Variants in KIAA1671 observed in about 807,000 individuals in gnomAD.
KIAA1671 encodes the protein uncharacterized protein KIAA1671.
A neutral mutation model predicts 131.2 loss-of-function variants in KIAA1671; 52 were observed. The ratio of observed to expected loss-of-function variants is 0.40; its 90% CI spans 0.32 to 0.50. The LOEUF (loss-of-function observed/expected upper bound fraction) is 0.50. Ranked by LOEUF, KIAA1671 falls within the 20% of genes least tolerant of loss-of-function variation. KIAA1671 has a pLI of 0.73. For missense variants in KIAA1671, 2,360 were observed against 2,364.2 expected (o/e 1.00, Z 0.04); for synonymous variants, 1,003 against 961.6 (o/e 1.04, Z -0.80).
At chr22:24,955,099 AG>A (rs1488012931) in intron 1 of KIAA1671, among the ~76,000 whole-genome samples, 1 of 152,178 alleles carries the variant, frequency 6.6e-6, no homozygotes, top group East Asian at 1.9e-4. Context: ...TTTTTATTGA[AG>A]GCTGACCTTG....
intron 10 of KIAA1671, 62 bp from the exon 11 acceptor site, chr22:25,184,915 T>C (rs1474338853): frequency 1.3e-6 from 2 of 1,543,360 alleles, no homozygotes; most frequent in Admixed American, 2.0e-5. Flanking sequence ...GACATTTGCA[T>C]GGGAGGGGGC....
rs1337353937 is a variant in KIAA1671 at position 25,040,351 on chromosome 22, T to C, written c.3221T>C (p.Leu1074Pro). ...TCTTTAACATCCACTTTGGTTTCTC[T>C]TGGTCATGAAGAGGCATTGGAGATG... ...PHSLTSTLVS[L>P]GHEEALEMAG... is the part of the protein sequence containing the mutation. Residue 1074 changes from leucine to proline, a missense_variant, in exon 5 of 13, where the codon CTT becomes CCT. This residue lies in a region of KIAA1671 where 1,161 missense variants were observed against 1,204.7 expected (regional missense o/e 0.96). Transcript: ENST00000358431. The C allele has an allele frequency of 3.4e-5, 52 of 1,551,728 alleles. No homozygotes were observed. Among genetic ancestry groups the C allele is most frequent in the Non-Finnish European group, 4.5e-5 (52 of 1,147,028 alleles).
At chr22:24,999,626 G>A (rs1369062374) in intron 1 of KIAA1671, among the ~76,000 whole-genome samples, 1 of 150,976 alleles carries the variant, frequency 6.6e-6, no homozygotes, top group African/African-American at 2.4e-5. Flanking sequence ...GCAGTGGTGC[G>A]ATCTCAGTTC....
intron 6 of KIAA1671, among the ~76,000 whole-genome samples, chr22:25,121,306 C>A (rs182163823): frequency 6.6e-6 from 1 of 151,812 alleles, no homozygotes; most frequent in East Asian, 1.9e-4. Context: ...ACTAAAAATA[C>A]AAAAAATTAG....
At chr22:25,077,985 A>G (rs1043038323) in intron 6 of KIAA1671, among the ~76,000 whole-genome samples, 9 of 152,058 alleles carry the variant, frequency 5.9e-5, no homozygotes, top group Non-Finnish European at 1.3e-4. Flanking sequence ...AATCCTCACA[A>G]ATAGCCCTGA....
At chr22:25,058,170 G>A (rs1927956205) in intron 6 of KIAA1671, 1 of 152,146 alleles carries the variant, frequency 6.6e-6, no homozygotes, top group African/African-American at 2.4e-5. Context: ...ATGCATGGGG[G>A]CAGGGCCTGG....
chr22:25,132,683 T>C (rs191739038), intron 6 of KIAA1671, among the ~76,000 whole-genome samples: 2 of 152,316 alleles, frequency 1.3e-5, no homozygotes, highest in African/African-American at 2.4e-5. Context: ...ACCTTGTCTC[T>C]CTACTGAAGA....
intron 9 of KIAA1671, chr22:25,179,556 T>C: frequency 6.4e-7 from 1 of 1,572,516 alleles, no homozygotes; most frequent in South Asian, 1.2e-5. Context: ...GCCTCCTGCG[T>C]TGGGAAGGGA....
rs544862158 is a variant in KIAA1671, at chr22:25,183,549, T to G, written c.5200-1428T>G. Among the ~76,000 whole-genome samples, 11 of 150,616 alleles carry G rather than the reference T, an allele frequency of 7.3e-5. No individual in the cohort carries two copies. In the East Asian group the frequency reaches 2.2e-3, roughly 30 times the overall value. ...TCCTTCCTTCTTCTTTTTTTGTTTT[T>G]TGAGACAGTCTCTCTGTCACCCAGG... On this transcript the variant is annotated intron_variant, in intron 10 of 12. Coordinates refer to ENST00000358431, the MANE Select transcript of KIAA1671 (RefSeq NM_001145206.2).
chr22:25,146,369 CT>C (rs1932878933), intron 6 of KIAA1671, among the ~76,000 whole-genome samples: 1 of 152,164 alleles, frequency 6.6e-6, no homozygotes, highest in Non-Finnish European at 1.5e-5. Flanking sequence ...ACCTGCACTT[CT>C]TTTGTTTTTT....
intron 6 of KIAA1671, among the ~76,000 whole-genome samples, chr22:25,114,079 C>T (rs1039644555): frequency 6.6e-6 from 1 of 152,192 alleles, no homozygotes; most frequent in Non-Finnish European, 1.5e-5. Flanking sequence ...AGTGGCCTCT[C>T]CAGCTGGTTG....
chr22:24,960,654 C>CTTTTTTTTTTTTT (rs34901740), intron 1 of KIAA1671, among the ~76,000 whole-genome samples: 1 of 71,540 alleles, frequency 1.4e-5, no homozygotes, highest in African/African-American at 5.5e-5. Context: ...TTTTCAGGTT[C>CTTTTTTTTTTTTT]TTTTTTTTTT....
At chr22:25,104,845 T>C (rs561125448) in intron 6 of KIAA1671, among the ~76,000 whole-genome samples, 34 of 152,270 alleles carry the variant, frequency 2.2e-4, no homozygotes, top group Middle Eastern at 6.8e-3. Context: ...GCCTCAGATT[T>C]GAGTTGGCCT....
chr22:25,039,592 A>T lies in KIAA1671; in HGVS notation c.2462A>T (p.Lys821Ile). 1 of 1,551,754 alleles carries T rather than the reference A, an allele frequency of 6.4e-7. No homozygotes were observed. Among genetic ancestry groups the T allele is most frequent in the Non-Finnish European group, 8.7e-7 (1 of 1,146,990 alleles). The change falls in exon 5 of 13, where the codon AAA becomes ATA. Residue 821 changes from lysine (K) to isoleucine (I), a missense_variant. By Grantham distance (102) the Lys-to-Ile change is moderately radical (BLOSUM62 -3). This residue lies in a region of KIAA1671 where 1,185 missense variants were observed against 1,126.2 expected (regional missense o/e 1.05). Transcript: ENST00000358431. Reference sequence around the variant, plus strand: ...TTTGGGGGCAATTGCCCGTTTCCCAAATGGACAGGCGGGGCAGTGGTGAGC... The same window carrying T: ...TTTGGGGGCAATTGCCCGTTTCCCATATGGACAGGCGGGGCAGTGGTGAGC... ...PKFGGNCPFP[K>I]WTGGAVVSSH...
chr22:25,043,543 A>G (rs1417720895), intron 5 of KIAA1671, among the ~76,000 whole-genome samples: 1 of 152,220 alleles, frequency 6.6e-6, no homozygotes, highest in African/African-American at 2.4e-5. Context: ...GTGGGGAAGA[A>G]ATCTGAGGCA....
At chr22:25,073,244 T>G (rs1488519233) in intron 6 of KIAA1671, among the ~76,000 whole-genome samples, 1 of 151,762 alleles carries the variant, frequency 6.6e-6, no homozygotes, top group Admixed American at 6.6e-5. Context: ...ATTTTTTAAC[T>G]TTTTATAGAG....
At chr22:25,015,934 G>C (rs1449481519) in intron 1 of KIAA1671, among the ~76,000 whole-genome samples, 1 of 152,160 alleles carries the variant, frequency 6.6e-6, no homozygotes, top group Admixed American at 6.5e-5. Flanking sequence ...TGCTGCTGCT[G>C]TCATTGCGAA....
Position 25,040,529 on chromosome 22 carries a change from T to C in KIAA1671, c.3399T>C (p.His1133=). The change falls in exon 5 of 13, where the codon CAT becomes CAC. Residue 1133 remains histidine (H), a synonymous_variant. Transcript: ENST00000358431. Reference sequence around the variant, plus strand: ...TTGATGTGGATGCCTTATGGAGTCATCGGGGATCAGAAGATGGCCCTCGTC... The same window carrying C: ...TTGATGTGGATGCCTTATGGAGTCACCGGGGATCAGAAGATGGCCCTCGTC... ...RIIDVDALWS[H]RGSEDGPRPQ... is the part of the protein sequence containing the mutation. 1 of 1,551,800 alleles carries C rather than the reference T, an allele frequency of 6.4e-7. No individual in the cohort carries two copies. Among genetic ancestry groups the C allele is most frequent in the Middle Eastern group, 1.7e-4 (1 of 5,994 alleles).
chr22:25,058,483 A>G (rs966736806), intron 6 of KIAA1671: 2 of 151,996 alleles, frequency 1.3e-5, no homozygotes, highest in African/African-American at 4.8e-5. Flanking sequence ...TTGGTCAGGT[A>G]TTTTTAGGAT....
Sources: gnomAD v4.1 joint callset for allele counts (sites outside exome capture counted in the v4.1 genomes callset) on GRCh38, gnomAD v4.1.1 for gene constraint, gnomAD v4.1.1 regional missense constraint, MANE v1.5 for transcripts, NCBI Gene and HGNC (gene_info 2026-07-23, HGNC 2026-07-21) for gene names.